Variants in PLXNA4 observed in about 807,000 individuals in gnomAD.
The protein encoded by PLXNA4 is plexin-A4.
In PLXNA4, 44 loss-of-function variants were observed where a neutral mutation model predicts 191.8. That is an observed-to-expected ratio of 0.23 (90% CI 0.18 to 0.29). PLXNA4 has a LOEUF of 0.29. Ranked by LOEUF, PLXNA4 falls within the 10% of genes least tolerant of loss-of-function variation. The pLI is 1.00. For missense variants in PLXNA4, 1,800 were observed against 2,488.8 expected (o/e 0.72, Z 5.89); for synonymous variants, 1,082 against 1,009.5 (o/e 1.07, Z -1.36).
intron 4 of PLXNA4, among the ~76,000 whole-genome samples, chr7:132,265,559 G>T (rs1584921093): frequency 6.6e-6 from 1 of 152,158 alleles, no homozygotes; most frequent in African/African-American, 2.4e-5. Flanking sequence ...CAGGATTGGG[G>T]TCATTTTCAG....
chr7:132,482,624 C>T (rs568596355), intron 3 of PLXNA4, among the ~76,000 whole-genome samples: 5 of 151,776 alleles, frequency 3.3e-5, no homozygotes, highest in East Asian at 3.9e-4. Flanking sequence ...TCACGGCAAT[C>T]GATAACTAAT....
intron 2 of PLXNA4, among the ~76,000 whole-genome samples, chr7:132,623,228 C>T (rs1238073570): frequency 6.6e-6 from 1 of 152,020 alleles, no homozygotes; most frequent in Admixed American, 6.6e-5. Flanking sequence ...TGCCTGTAAT[C>T]CCAGGTACTC....
intron 2 of PLXNA4, among the ~76,000 whole-genome samples, chr7:132,497,894 G>A (rs1798091139): frequency 6.6e-6 from 1 of 152,178 alleles, no homozygotes; most frequent in Admixed American, 6.5e-5. Context: ...CAATGAGATT[G>A]TAGGGAAAAC....
chr7:132,332,062 A>G (rs1469781606), intron 3 of PLXNA4, among the ~76,000 whole-genome samples: 1 of 152,104 alleles, frequency 6.6e-6, no homozygotes, highest in African/African-American at 2.4e-5. Context: ...CCCTTCAAAC[A>G]CTCACATTTC....
chr7:132,422,903 C>A (rs760398176), intron 3 of PLXNA4, among the ~76,000 whole-genome samples: 22 of 152,210 alleles, frequency 1.4e-4, no homozygotes, highest in Non-Finnish European at 2.6e-4. Flanking sequence ...CCTCGGGAAA[C>A]CTCTGAAAGC....
intron 4 of PLXNA4, among the ~76,000 whole-genome samples, chr7:132,246,777 CAT>C (rs1799068812): frequency 4.4e-5 from 4 of 90,296 alleles, no homozygotes; most frequent in Admixed American, 1.0e-4. Flanking sequence ...CAATCATCAT[CAT>C]CATCATCATC....
intron 1 of PLXNA4, among the ~76,000 whole-genome samples, chr7:132,553,467 C>T (rs916746652): frequency 6.6e-6 from 1 of 152,098 alleles, no homozygotes; most frequent in Non-Finnish European, 1.5e-5. Context: ...AAATTAAGTG[C>T]AAAAGAGGGG....
chr7:132,454,561 C>T (rs991027582), intron 3 of PLXNA4, among the ~76,000 whole-genome samples: 10 of 152,046 alleles, frequency 6.6e-5, no homozygotes, highest in Admixed American at 2.6e-4. Flanking sequence ...AACCATGTCA[C>T]TGCCTTTCCA....
intron 4 of PLXNA4, among the ~76,000 whole-genome samples, chr7:132,263,620 A>G (rs1020209238): frequency 6.6e-6 from 1 of 152,214 alleles, no homozygotes; most frequent in Non-Finnish European, 1.5e-5. Context: ...CACTGCATGC[A>G]TTGATTTTGT....
chr7:132,293,425 C>G (rs1486036693), intron 4 of PLXNA4, among the ~76,000 whole-genome samples: 2 of 152,178 alleles, frequency 1.3e-5, no homozygotes, highest in African/African-American at 2.4e-5. Context: ...GACTTATTCA[C>G]TACATGAGAA....
intron 3 of PLXNA4, among the ~76,000 whole-genome samples, chr7:132,477,263 G>GC (rs1466930837): frequency 6.6e-6 from 1 of 152,082 alleles, no homozygotes; most frequent in South Asian, 2.1e-4. Flanking sequence ...ATACACACCA[G>GC]CCCCCTCCCC....
In PLXNA4 at chr7:132,185,449, T is replaced by A; in HGVS notation, c.3008A>T (p.Tyr1003Phe). The change falls in exon 16 of 32, where the codon TAC (tyrosine) becomes TTC (phenylalanine). Residue 1003 changes from tyrosine to phenylalanine, a missense_variant. Coordinates refer to ENST00000321063, the MANE Select transcript of PLXNA4 (RefSeq NM_020911.2). ...PCLFHRRSPS[Y>F]IVCNTTSSDE... is the part of the protein sequence containing the mutation. The stretch of plus-strand genomic sequence containing the variant: ...TGAGGATGTGGTGTTGCAGACAATG[T>A]AGGATGGAGATCGCCTGGAGGGCAG... 6.2e-7 allele frequency: 1 copy of A among 1,613,126 alleles called. No individual in the cohort carries two copies. The highest frequency in any genetic ancestry group is 1.1e-5 in the South Asian group (1 of 90,906).
At chr7:132,387,028 T>G (rs1805178678) in intron 3 of PLXNA4, among the ~76,000 whole-genome samples, 1 of 152,366 alleles carries the variant, frequency 6.6e-6, no homozygotes, top group Admixed American at 6.5e-5. Flanking sequence ...TGTGCTGGGA[T>G]GTTGCATCAA....
At chr7:132,208,541 G>A (rs1411130727) in intron 10 of PLXNA4, among the ~76,000 whole-genome samples, 1 of 152,150 alleles carries the variant, frequency 6.6e-6, no homozygotes, top group Non-Finnish European at 1.5e-5. Flanking sequence ...CAGGGCATGA[G>A]CCAGGAGCTT....
chr7:132,515,873 CTGTTA>C (rs557423120), intron 1 of PLXNA4, among the ~76,000 whole-genome samples: 108 of 152,304 alleles, frequency 7.1e-4, no homozygotes, highest in African/African-American at 2.4e-3. Context: ...TTTACAAACT[CTGTTA>C]TATTTGTCCA....
chr7:132,135,597 G>A (rs1181093413), intron 30 of PLXNA4, among the ~76,000 whole-genome samples: 1 of 152,224 alleles, frequency 6.6e-6, no homozygotes, highest in African/African-American at 2.4e-5. Context: ...TGCCTTCACA[G>A]TGTCTTGCCT....
intron 5 of PLXNA4, among the ~76,000 whole-genome samples, chr7:132,234,438 A>G (rs1276816589): frequency 6.6e-6 from 1 of 152,176 alleles, no homozygotes; most frequent in Non-Finnish European, 1.5e-5. Context: ...TCTGGAGTGA[A>G]GCCTCAGAGG....
At chr7:132,603,828 G>A (rs1198742153) in intron 2 of PLXNA4, among the ~76,000 whole-genome samples, 1 of 151,694 alleles carries the variant, frequency 6.6e-6, no homozygotes, top group African/African-American at 2.4e-5. Context: ...ACACTGATGA[G>A]TGCATATTTA....
In PLXNA4 at chr7:132,188,013, TA is replaced by T. The variant is rs377085129; in HGVS notation, c.2857-407del. 3.7e-3 allele frequency among the ~76,000 whole-genome samples: 534 copies of T among 143,752 alleles called. 1 individual carries two copies. The highest frequency in any genetic ancestry group is 0.019 in the East Asian group (96 of 5,008). 94.3% of individuals were successfully genotyped at this position (143,752 alleles called of 152,430 possible). A position where few individuals can be genotyped will look rare whatever the true frequency, so the allele number is the denominator to read the frequency against. ...AGCTAGTTTTCCAAGGTCACACAGC[TA>T]AAAAAAAAAAATGGCATAACTGAGA... On this transcript the variant is annotated intron_variant, in intron 14 of 31. Coordinates refer to ENST00000321063, the MANE Select transcript of PLXNA4 (RefSeq NM_020911.2).
Sources: gnomAD v4.1 joint callset for allele counts (sites outside exome capture counted in the v4.1 genomes callset) on GRCh38, gnomAD v4.1.1 for gene constraint, MANE v1.5 for transcripts, NCBI Gene and HGNC (gene_info 2026-07-23, HGNC 2026-07-21) for gene names.